DOCK10: variants seen among roughly 807,000 people sequenced by gnomAD.
DOCK10 encodes the protein dedicator of cytokinesis 10, also known as dedicator of cytokinesis protein 10.
A neutral mutation model predicts 280.1 loss-of-function variants in DOCK10; 145 were observed. The observed-to-expected ratio is 0.52, with a 90% CI of 0.45 to 0.59. DOCK10 has a LOEUF of 0.59. DOCK10 is among the 20% of genes least tolerant of loss of function. The pLI is 0.00. For synonymous variants in DOCK10, 915 were observed against 942.2 expected (o/e 0.97, Z 0.53); for missense variants, 2,368 against 2,651.7 (o/e 0.89, Z 2.35).
At chr2:224,785,581 C>T (rs748141191) in intron 50 of DOCK10, among the ~76,000 whole-genome samples, 6 of 152,048 alleles carry the variant, frequency 3.9e-5, no homozygotes, top group Non-Finnish European at 7.4e-5. Flanking sequence ...CCTGGGTTCA[C>T]GCCATTCTCC....
intron 1 of DOCK10, among the ~76,000 whole-genome samples, chr2:225,024,986 G>A (rs905262409): frequency 2.0e-5 from 3 of 152,156 alleles, no homozygotes; most frequent in Non-Finnish European, 2.9e-5. Flanking sequence ...AGAAGCTGAC[G>A]GAGGTCTGCA....
At chr2:224,788,954 A>C in intron 48 of DOCK10, 110 bp downstream of exon 48, 1 of 665,318 alleles carries the variant, frequency 1.5e-6, no homozygotes, top group Non-Finnish European at 2.5e-6. Context: ...TGTCTAATTA[A>C]GTTATATTAT....
At chr2:224,972,447 A>C (rs1190991582) in intron 1 of DOCK10, among the ~76,000 whole-genome samples, 1 of 152,174 alleles carries the variant, frequency 6.6e-6, no homozygotes, top group African/African-American at 2.4e-5. Context: ...TTCATTCATC[A>C]AACCTTTGAT....
intron 25 of DOCK10, among the ~76,000 whole-genome samples, chr2:224,836,373 T>C (rs1695593499): frequency 6.6e-6 from 1 of 152,212 alleles, no homozygotes; most frequent in Non-Finnish European, 1.5e-5. Flanking sequence ...TGGGTAAAAT[T>C]ATACAATAGA....
intron 11 of DOCK10, 57 bp from the exon 12 acceptor site, chr2:224,865,144 G>A: frequency 6.6e-7 from 1 of 1,516,568 alleles, no homozygotes. Flanking sequence ...CCATGAGACA[G>A]CCTCGTTAGT....
chr2:225,028,374 C>A (rs1689977034), intron 1 of DOCK10, among the ~76,000 whole-genome samples: 1 of 152,114 alleles, frequency 6.6e-6, no homozygotes, highest in South Asian at 2.1e-4. Flanking sequence ...AAAATGGGGA[C>A]CTCGGCCCTA....
intron 1 of DOCK10, among the ~76,000 whole-genome samples, chr2:225,006,419 A>G (rs186508952): frequency 7.2e-4 from 110 of 152,362 alleles, no homozygotes; most frequent in Middle Eastern, 3.4e-3. Context: ...GGTAAACCTA[A>G]TAAGTTCTGC....
At chr2:224,944,159 A>G (rs1395978593) in intron 1 of DOCK10, among the ~76,000 whole-genome samples, 5 of 151,986 alleles carry the variant, frequency 3.3e-5, no homozygotes, top group African/African-American at 1.2e-4. Context: ...TGGGTAGAAA[A>G]AAAACCATGG....
chr2:224,786,752 G>A lies in DOCK10; in HGVS notation c.5655+270C>T, dbSNP rs571015683. On this transcript the variant is annotated intron_variant, in intron 50 of 55. Transcript: ENST00000258390. The surrounding 1 kb of genome is among the most constrained non-coding windows in gnomAD (Gnocchi z 4.7). ...ATTTTAGGGTGAGCTGGAAAGAAGAGAGTGTTGAAAAATAAATGCCCTCTT... is the reference window on the plus strand; with the variant it reads ...ATTTTAGGGTGAGCTGGAAAGAAGAAAGTGTTGAAAAATAAATGCCCTCTT... 6.6e-6 allele frequency among the ~76,000 whole-genome samples: 1 copy of A among 152,318 alleles called. No individual in the cohort carries two copies. Among genetic ancestry groups the A allele is most frequent in the South Asian group, 2.1e-4 (1 of 4,832 alleles).
chr2:224,870,993 A>G (rs1241531849), intron 11 of DOCK10, among the ~76,000 whole-genome samples: 1 of 151,584 alleles, frequency 6.6e-6, no homozygotes, highest in Non-Finnish European at 1.5e-5. Context: ...TGTACAGCTA[A>G]TTTTTGTATT....
chr2:224,789,035 T>C, intron 48 of DOCK10, 29 bp downstream of exon 48: 1 of 1,424,648 alleles, frequency 7.0e-7, no homozygotes, highest in Non-Finnish European at 9.9e-7. Flanking sequence ...TTTCCTTCGT[T>C]ACTGTACATG....
chr2:224,878,770 T>C (rs1244587348), intron 7 of DOCK10, among the ~76,000 whole-genome samples: 1 of 152,244 alleles, frequency 6.6e-6, no homozygotes, highest in Non-Finnish European at 1.5e-5. Flanking sequence ...TGTATTACCA[T>C]CAAGTATTAT....
intron 1 of DOCK10, among the ~76,000 whole-genome samples, chr2:225,029,364 G>T (rs1690013547): frequency 1.3e-5 from 2 of 152,052 alleles, no homozygotes; most frequent in South Asian, 4.1e-4. Context: ...TAGAGACAGG[G>T]TTTTGTCATG....
chr2:225,018,139 A>C (rs1031820248), intron 1 of DOCK10, among the ~76,000 whole-genome samples: 2 of 152,208 alleles, frequency 1.3e-5, no homozygotes, highest in Non-Finnish European at 2.9e-5. Flanking sequence ...GTATTCATAC[A>C]TTTTTATAGT....
Position 224,921,096 on chromosome 2 carries a change from A to AT in DOCK10, c.244-4313_244-4312insA, listed in dbSNP as rs1480408193. Among the ~76,000 whole-genome samples the AT allele has an allele frequency of 2.5e-3, 74 of 29,952 alleles. 1 individual carries two copies. Among genetic ancestry groups the AT allele is most frequent in the South Asian group, 5.4e-3 (7 of 1,308 alleles). The allele number at this position is 29,952 out of a possible 152,430, so 19.6% of individuals were successfully genotyped here. A position where few individuals can be genotyped will look rare whatever the true frequency, so the allele number is the denominator to read the frequency against. On this transcript the variant is annotated intron_variant, in intron 2 of 55. Transcript: ENST00000258390. The stretch of plus-strand genomic sequence containing the variant: ...ATGGGAAAACACCGTCTCTATTAAA[A>AT]AAAAAAAAAAAAAAAAATATATATA...
chr2:224,807,602 A>C (rs1418085417), intron 33 of DOCK10, 66 bp downstream of exon 33: 10 of 1,157,062 alleles, frequency 8.6e-6, no homozygotes, highest in Non-Finnish European at 9.9e-6. Flanking sequence ...TATCCAGGGC[A>C]AAAAATAATT....
At chr2:224,947,382 GT>G (rs1703479456) in intron 1 of DOCK10, among the ~76,000 whole-genome samples, 1 of 152,198 alleles carries the variant, frequency 6.6e-6, no homozygotes, top group Admixed American at 6.5e-5. Flanking sequence ...AAAGTCAACT[GT>G]AATAATATGG....
intron 1 of DOCK10, among the ~76,000 whole-genome samples, chr2:225,027,641 G>A (rs1271849193): frequency 1.3e-5 from 2 of 152,032 alleles, no homozygotes; most frequent in Non-Finnish European, 2.9e-5. Flanking sequence ...CTCCTGCCAT[G>A]TAAGACGCCC....
chr2:224,934,313 A>G (rs1702561100), intron 1 of DOCK10, among the ~76,000 whole-genome samples: 1 of 152,168 alleles, frequency 6.6e-6, no homozygotes, highest in South Asian at 2.1e-4. Flanking sequence ...GGAACTGCAA[A>G]ATCCAGCAGA....
Sources: allele counts gnomAD v4.1 joint callset (sites outside exome capture counted in the v4.1 genomes callset), GRCh38; gene constraint gnomAD v4.1.1; non-coding constraint Gnocchi (gnomAD v3.1); transcripts MANE v1.5; gene names NCBI Gene and HGNC (gene_info 2026-07-23, HGNC 2026-07-21).